SMAP2: variants seen among roughly 807,000 people sequenced by gnomAD.
The protein encoded by SMAP2 is small ArfGAP2, also known as stromal membrane-associated protein 2.
In SMAP2, 25 loss-of-function variants were observed where a neutral mutation model predicts 56.4. The ratio of observed to expected loss-of-function variants is 0.44; its 90% CI spans 0.32 to 0.62. The LOEUF (loss-of-function observed/expected upper bound fraction) is 0.62. Ranked by LOEUF, SMAP2 falls within the 20% of genes least tolerant of loss-of-function variation. The pLI is 0.04. For missense variants in SMAP2, 388 were observed against 545.6 expected, an observed-to-expected ratio of 0.71 and a Z score of 2.88; for synonymous variants, 157 against 181.7, an observed-to-expected ratio of 0.86 and a Z score of 1.09.
rs959926186 is a variant in SMAP2 at position 40,407,361 on chromosome 1, C to T, written c.237+492C>T. ...AAAAAATTAGCTGGGCCTGGTGGTACGTACCTGTAATCCCAGCAGTTTGGG... is the reference window on the plus strand; with the variant it reads ...AAAAAATTAGCTGGGCCTGGTGGTATGTACCTGTAATCCCAGCAGTTTGGG... On this transcript the variant is annotated intron_variant, in intron 2 of 9. Coordinates refer to ENST00000372718, the MANE Select transcript of SMAP2 (RefSeq NM_022733.3). Among the ~76,000 whole-genome samples, 17 of 152,098 alleles carry T rather than the reference C, an allele frequency of 1.1e-4. 1 individual carries two copies. Among genetic ancestry groups the T allele is most frequent in the East Asian group, 5.8e-4 (3 of 5,176 alleles).
At chr1:40,372,307 G>A (rs1644501401), upstream of SMAP2, among the ~76,000 whole-genome samples, 1 of 152,074 alleles carries the variant, frequency 6.6e-6, no homozygotes, top group Non-Finnish European at 1.5e-5. Flanking sequence ...ACAGGGTAAC[G>A]GGGTACATTG....
intron 2 of SMAP2, among the ~76,000 whole-genome samples, chr1:40,362,961 G>A (rs905027878): frequency 1.3e-5 from 2 of 152,082 alleles, no homozygotes; most frequent in African/African-American, 4.8e-5. Flanking sequence ...CTTAGCTGAT[G>A]TGTTAGAACT....
At chr1:40,390,960 T>C (rs910132692) in intron 1 of SMAP2, among the ~76,000 whole-genome samples, 2 of 152,044 alleles carry the variant, frequency 1.3e-5, no homozygotes, top group Non-Finnish European at 2.9e-5. Context: ...TTAAAAATGG[T>C]TCCTCTAGAG....
chr1:40,372,897 G>A (rs1161805238), upstream of SMAP2, among the ~76,000 whole-genome samples: 4 of 152,194 alleles, frequency 2.6e-5, no homozygotes, highest in Admixed American at 2.0e-4. Flanking sequence ...GAATGAATGA[G>A]TGAATGAAAA....
Position 40,408,827 on chromosome 1 carries a change from G to A in SMAP2, c.323+89G>A. ...AGACTCCAGTCCTGTAATGTGACTGGGTCATCTCTATGTGGATTAGTCAGT... is the reference window on the plus strand; with the variant it reads ...AGACTCCAGTCCTGTAATGTGACTGAGTCATCTCTATGTGGATTAGTCAGT... On this transcript the variant is annotated intron_variant, in intron 3 of 9. Coordinates refer to ENST00000372718, the MANE Select transcript of SMAP2 (RefSeq NM_022733.3). This position sits in a 1 kb window ranked among gnomAD's most constrained non-coding sequence, Gnocchi z 4.3. The A allele has an allele frequency of 9.8e-7, 1 of 1,017,602 alleles. No individual in the cohort carries two copies. The highest frequency in any genetic ancestry group is 1.5e-6 in the Non-Finnish European group (1 of 649,540). The allele number at this position is 1,017,602 out of a possible 1,614,324, so 63.0% of individuals were successfully genotyped here. A position where few individuals can be genotyped will look rare whatever the true frequency, so the allele number is the denominator to read the frequency against.
At chr1:40,373,316 T>C (rs555089977), upstream of SMAP2, among the ~76,000 whole-genome samples, 2 of 152,206 alleles carry the variant, frequency 1.3e-5, no homozygotes, top group East Asian at 3.9e-4. Flanking sequence ...ATTTGGCTGT[T>C]GGAAAAAACA....
chr1:40,374,265 G>T lies in SMAP2; in HGVS notation c.103+42G>T. On this transcript the variant is annotated intron_variant, in intron 1 of 9. Coordinates refer to ENST00000372718, the MANE Select transcript of SMAP2 (RefSeq NM_022733.3). This position sits in a 1 kb window ranked among gnomAD's most constrained non-coding sequence, Gnocchi z 5.9. ...GGCGGGCCAGGGGTCCAGCCGCGCCGGGGTGGTGGGGGTGGGCTGCGTGAA... is the reference window on the plus strand; with the variant it reads ...GGCGGGCCAGGGGTCCAGCCGCGCCTGGGTGGTGGGGGTGGGCTGCGTGAA... The T allele has an allele frequency of 6.6e-7, 1 of 1,507,442 alleles. No homozygotes were observed. Among genetic ancestry groups the T allele is most frequent in the Non-Finnish European group, 9.1e-7 (1 of 1,098,452 alleles). The allele number at this position is 1,507,442 out of a possible 1,614,324, so 93.4% of individuals were successfully genotyped here.
chr1:40,390,870 G>A (rs899636506), intron 1 of SMAP2, among the ~76,000 whole-genome samples: 4 of 152,130 alleles, frequency 2.6e-5, no homozygotes, highest in African/African-American at 4.8e-5. Flanking sequence ...TACTCTAAAC[G>A]TGTATCTGTT....
intron 7 of SMAP2, 106 bp downstream of exon 7, chr1:40,415,487 G>A: frequency 1.3e-6 from 1 of 788,456 alleles, no homozygotes; most frequent in Non-Finnish European, 2.2e-6. Context: ...TTGGACTTTG[G>A]TTTTCTTGAT....
chr1:40,361,506 A>G (rs987245694), intron 1 of SMAP2, among the ~76,000 whole-genome samples: 1 of 152,122 alleles, frequency 6.6e-6, no homozygotes, highest in Non-Finnish European at 1.5e-5. Context: ...CTTAGGTACC[A>G]GATTGACCAA....
chr1:40,393,265 G>A (rs1247305780), intron 1 of SMAP2: 1 of 1,443,014 alleles, frequency 6.9e-7, no homozygotes, highest in South Asian at 1.4e-5. Context: ...GATTGAGGCT[G>A]CACTGCACTC....
intron 1 of SMAP2, among the ~76,000 whole-genome samples, chr1:40,346,758 A>G (rs1457958227): frequency 6.6e-6 from 1 of 152,244 alleles, no homozygotes; most frequent in Non-Finnish European, 1.5e-5. Context: ...ACTTCCAAGT[A>G]AATGAAAATG....
At chr1:40,399,653 GATCGCACCA>G (rs1287527223) in intron 1 of SMAP2, among the ~76,000 whole-genome samples, 1 of 148,578 alleles carries the variant, frequency 6.7e-6, no homozygotes, top group East Asian at 2.0e-4. Context: ...TGTGAGCTAT[GATCGCACCA>G]CTGCACTCCA....
At chr1:40,346,741 A>G (rs1644387304) in intron 1 of SMAP2, among the ~76,000 whole-genome samples, 1 of 152,130 alleles carries the variant, frequency 6.6e-6, no homozygotes, top group Non-Finnish European at 1.5e-5. Flanking sequence ...ACTTTTAACC[A>G]ATTTAAACTT....
At chr1:40,395,972 T>C (rs1644767814) in intron 1 of SMAP2, among the ~76,000 whole-genome samples, 1 of 152,220 alleles carries the variant, frequency 6.6e-6, no homozygotes, top group Non-Finnish European at 1.5e-5. Flanking sequence ...GGTTACCTGG[T>C]AGGAAGATAA....
In SMAP2 at chr1:40,413,073, G is replaced by T; in HGVS notation, c.460G>T (p.Glu154Ter). 6.2e-7 allele frequency: 1 copy of T among 1,613,944 alleles called. No homozygotes were observed. Among genetic ancestry groups the T allele is most frequent in the South Asian group, 1.1e-5 (1 of 91,062 alleles). Reference sequence around the variant, plus strand: ...CGAACCAGTTCCAGAAAAAAAATTGGAACCTGTTGTTTTTGAGAAGGTGAA... The same window carrying T: ...CGAACCAGTTCCAGAAAAAAAATTGTAACCTGTTGTTTTTGAGAAGGTGAA... ...GSEPVPEKKL[E>*]PVVFEKVKMP... Residue 154 changes from glutamate (E) to a stop codon, truncating the protein, a stop_gained, in exon 5 of 10, where the codon GAA becomes TAA. Coordinates refer to ENST00000372718, the MANE Select transcript of SMAP2 (RefSeq NM_022733.3). LOFTEE classifies it high-confidence loss of function.
At chr1:40,417,804 C>G (rs564715871) in intron 9 of SMAP2, among the ~76,000 whole-genome samples, 1 of 152,218 alleles carries the variant, frequency 6.6e-6, no homozygotes, top group South Asian at 2.1e-4. Flanking sequence ...ATGAGAATCA[C>G]AAAATCAAAT....
chr1:40,412,213 G>C (rs974457961), intron 4 of SMAP2, among the ~76,000 whole-genome samples: 1 of 151,926 alleles, frequency 6.6e-6, no homozygotes, highest in Non-Finnish European at 1.5e-5. Context: ...TACAAGATAT[G>C]GTATCATCTA....
At chr1:40,388,794 C>T (rs960523186) in intron 1 of SMAP2, among the ~76,000 whole-genome samples, 6 of 152,172 alleles carry the variant, frequency 3.9e-5, no homozygotes, top group African/African-American at 9.7e-5. Flanking sequence ...TTGCTCTTTG[C>T]AATAAATCTT....
Sources: allele counts gnomAD v4.1 joint callset (sites outside exome capture counted in the v4.1 genomes callset), GRCh38; gene constraint gnomAD v4.1.1; non-coding constraint Gnocchi (gnomAD v3.1); transcripts MANE v1.5; gene names NCBI Gene and HGNC (gene_info 2026-07-23, HGNC 2026-07-21).